The following CDC25B variants were observed in gnomAD, a reference collection of about 807,000 sequenced individuals.
CDC25B encodes cell division cycle 25B, also known as M-phase inducer phosphatase 2.
Under a neutral mutation model 69.8 loss-of-function variants are expected in CDC25B, and 33 were observed. That is an observed-to-expected ratio of 0.47 (90% confidence interval 0.36 to 0.63). CDC25B has a LOEUF of 0.63. CDC25B is among the 30% of genes least tolerant of loss of function. The pLI, the probability that CDC25B is intolerant of heterozygous loss-of-function variation, is 0.00. For missense variants in CDC25B, 727 were observed against 809.1 expected (o/e 0.90, Z 1.23); for synonymous variants, 341 against 314.6 (o/e 1.08, Z -0.89).
In CDC25B at chr20:3,796,792, T is replaced by G. The variant is rs1600387627; in HGVS notation, c.200+61T>G. 2.0e-6 allele frequency: 3 copies of G among 1,503,824 alleles called. No individual in the cohort carries two copies. The South Asian group carries it at 3.7e-5, about 19-fold the overall frequency. The allele number at this position is 1,503,824 out of a possible 1,614,324, so 93.2% of individuals were successfully genotyped here. ...GAGGCTAGGTCTGGAGTCCTGGGCC[T>G]CCTGGAGAACTGGGCATGGTAGTCG... On this transcript the variant is annotated intron_variant, in intron 1 of 15. Transcript: ENST00000245960.
chr20:3,793,114 T>C (rs2088941477), upstream of CDC25B, among the ~76,000 whole-genome samples: 1 of 152,184 alleles, frequency 6.6e-6, no homozygotes, highest in Non-Finnish European at 1.5e-5. Flanking sequence ...ATTACAGTAA[T>C]TTCATGTTTC....
At chr20:3,794,405 T>C (rs1389516744), upstream of CDC25B, among the ~76,000 whole-genome samples, 6 of 145,476 alleles carry the variant, frequency 4.1e-5, no homozygotes, top group Non-Finnish European at 6.0e-5. Context: ...AGGGATTCAA[T>C]AGTATAATGC....
rs2146704867 is a variant in CDC25B, at chr20:3,803,970, C to T, written c.1490+433C>T. ...CGCTATTCCTGTTCTGCCTGGCCAT[C>T]TGTCCTCCCACCCCTGCCTCCTCCT... On this transcript the variant is annotated intron_variant, in intron 14 of 15. Transcript: ENST00000245960. The surrounding 1 kb of genome is among the most constrained non-coding windows in gnomAD (Gnocchi z 4.9). Among the ~76,000 whole-genome samples, 1 of 152,322 alleles carries T rather than the reference C, an allele frequency of 6.6e-6. No individual in the cohort carries two copies. The highest frequency in any genetic ancestry group is 2.1e-4 in the South Asian group (1 of 4,830).
In CDC25B at chr20:3,801,405, C is replaced by A; in HGVS notation, c.840+17C>A. On this transcript the variant is annotated intron_variant, in intron 8 of 15. Transcript: ENST00000245960. ...GACTTAAAGGTAAACAGCCTTGTCC[C>A]ACCAGGCCCCTACCTTCCTATCCCT... The A allele has an allele frequency of 6.3e-7, 1 of 1,588,654 alleles. No individual in the cohort carries two copies. The highest frequency in any genetic ancestry group is 8.6e-7 in the Non-Finnish European group (1 of 1,166,228).
rs2089262407 is a variant in CDC25B at position 3,801,015 on chromosome 20, C to T, written c.627C>T (p.Ser209=). Residue 209 remains serine (S), a synonymous_variant, in exon 7 of 16, where the codon AGC becomes AGT. Coordinates refer to ENST00000245960, the MANE Select transcript of CDC25B (RefSeq NM_021873.4). ...TGCCATGGAAGCCCACACATCCCAG[C>T]TCCACCCATGCTCTGGCAGAGTGGG... ...FKMPWKPTHP[S]STHALAEWAS... 6.2e-7 allele frequency: 1 copy of T among 1,614,038 alleles called. No homozygotes were observed.
intron 1 of CDC25B, among the ~76,000 whole-genome samples, chr20:3,788,621 C>T (rs2088864059): frequency 6.6e-6 from 1 of 152,132 alleles, no homozygotes; most frequent in Non-Finnish European, 1.5e-5. Flanking sequence ...GAGACTTTTC[C>T]AGAGCACTGC....
At chr20:3,793,152 A>G (rs1016127681), upstream of CDC25B, among the ~76,000 whole-genome samples, 5 of 152,184 alleles carry the variant, frequency 3.3e-5, no homozygotes, top group Non-Finnish European at 7.3e-5. Flanking sequence ...TGTGGCTACT[A>G]GAATATTTTA....
rs751070261 is a variant in CDC25B, at chr20:3,801,266, G to C, written c.718G>C (p.Asp240His). 1.1e-5 allele frequency: 18 copies of C among 1,613,984 alleles called. No homozygotes were observed. Among genetic ancestry groups the C allele is most frequent in the Non-Finnish European group, 1.4e-5 (17 of 1,179,998 alleles). The change falls in exon 8 of 16, where the codon GAC becomes CAC. Residue 240 changes from aspartate to histidine, a missense_variant. Around this residue, in one of 2 missense-constraint regions of CDC25B, gnomAD observed 368 missense variants for 345.6 expected, o/e 1.06. Transcript: ENST00000245960. ...GTCATGTGGACAGTGTCTCAGTCCT[G>C]ACCGGAAGATGGAAGTGGAGGAGCT... is the stretch of plus-strand genomic sequence containing the variant. The part of the protein sequence containing the change: ...SAPDLMCLSP[D>H]RKMEVEELSP...
Position 3,802,176 on chromosome 20 carries a change from G to A in CDC25B, c.1098+76G>A, listed in dbSNP as rs1600402564. ...CCCCTTGGCTAAGTTTGTGGCAGAG[G>A]GCAGGTGGCAGCCTGGGCATGGCAG... is the stretch of plus-strand genomic sequence containing the variant. On this transcript the variant is annotated intron_variant, in intron 10 of 15. Transcript: ENST00000245960. 3.9e-6 allele frequency: 6 copies of A among 1,543,644 alleles called. No individual in the cohort carries two copies. In the East Asian group the frequency reaches 1.1e-4, roughly 29 times the overall value.
chr20:3,800,533 A>G, intron 5 of CDC25B, 35 bp downstream of exon 5: 9 of 1,612,316 alleles, frequency 5.6e-6, no homozygotes, highest in Non-Finnish European at 7.6e-6. Context: ...AGGCTTAGGC[A>G]TGCTAGCCAG....
upstream of CDC25B, among the ~76,000 whole-genome samples, chr20:3,793,677 C>A (rs1166739699): frequency 2.7e-5 from 4 of 149,584 alleles, no homozygotes; most frequent in Non-Finnish European, 5.9e-5. Context: ...TATACATGTG[C>A]CATGCTGGTG....
intron 8 of CDC25B, 108 bp downstream of exon 8, chr20:3,801,496 G>T: frequency 7.3e-7 from 1 of 1,372,672 alleles, no homozygotes; most frequent in Non-Finnish European, 9.9e-7. Flanking sequence ...TCCAGTGTCA[G>T]AAGAAGAATC....
At chr20:3,799,004 G>T (rs2089167683) in intron 3 of CDC25B, among the ~76,000 whole-genome samples, 1 of 152,170 alleles carries the variant, frequency 6.6e-6, no homozygotes, top group African/African-American at 2.4e-5. Context: ...AGAGAGAGTT[G>T]GTGGGCTCTG....
Position 3,801,931 on chromosome 20 carries a change from T to A in CDC25B, c.929T>A (p.Val310Asp). Reference sequence around the variant, plus strand: ...ACCTGCTGTCCCTGCCAGGACCTCGTCATGTACAGCAAGTGCCAGCGGCTC... The same window carrying A: ...ACCTGCTGTCCCTGCCAGGACCTCGACATGTACAGCAAGTGCCAGCGGCTC... ...TLEKEEEKDLVMYSKCQRLFR... is the reference protein window; with the variant it reads ...TLEKEEEKDLDMYSKCQRLFR... The change falls in exon 10 of 16, where the codon GTC (valine) becomes GAC (aspartate). Residue 310 changes from valine (V) to aspartate (D), a missense_variant. Physicochemically the swap from Val to Asp is radical, Grantham distance 152. Coordinates refer to ENST00000245960, the MANE Select transcript of CDC25B (RefSeq NM_021873.4). The A allele has an allele frequency of 1.2e-6, 2 of 1,610,882 alleles. No homozygotes were observed. Among genetic ancestry groups the A allele is most frequent in the Non-Finnish European group, 1.7e-6 (2 of 1,178,170 alleles).
intron 1 of CDC25B, among the ~76,000 whole-genome samples, chr20:3,787,302 T>G (rs1323949636): frequency 6.6e-6 from 1 of 152,142 alleles, no homozygotes; most frequent in Non-Finnish European, 1.5e-5. Context: ...GCCATATCGG[T>G]AAGTATCATT....
At position 3,796,567 on chromosome 20, in the gene CDC25B, G is replaced by T; in HGVS notation, c.36G>T (p.Ser12=). The change falls in exon 1 of 16, where the codon TCG becomes TCT. Residue 12 remains serine (S), a synonymous_variant. Transcript: ENST00000245960. ...CCCAGCCGGAGCCCGCGCCAGGCTC[G>T]GCTCTCAGTCCAGCAGGCGTGTGCG... is the stretch of plus-strand genomic sequence containing the variant. The part of the protein sequence containing the change: ...EVPQPEPAPG[S]ALSPAGVCGG... 6.8e-7 allele frequency: 1 copy of T among 1,473,150 alleles called. No individual in the cohort carries two copies. 91.3% of individuals were successfully genotyped at this position (1,473,150 alleles called of 1,614,324 possible). A position where few individuals can be genotyped will look rare whatever the true frequency, so the allele number is the denominator to read the frequency against.
intron 3 of CDC25B, among the ~76,000 whole-genome samples, chr20:3,799,544 G>A (rs1488124090): frequency 6.6e-6 from 1 of 150,910 alleles, no homozygotes; most frequent in Non-Finnish European, 1.5e-5. Flanking sequence ...GCGCGTAGAT[G>A]CACAAAAGCT....
intron 3 of CDC25B, among the ~76,000 whole-genome samples, chr20:3,799,483 G>A (rs1456181642): frequency 1.9e-5 from 2 of 106,980 alleles, no homozygotes; most frequent in East Asian, 6.2e-4. Flanking sequence ...TTTCTCAGAA[G>A]CTGTGTGTGT....
chr20:3,798,335 T>TGA, intron 2 of CDC25B, 77 bp from the exon 3 acceptor site: 2 of 686,982 alleles, frequency 2.9e-6, no homozygotes, highest in Non-Finnish European at 2.2e-6. Context: ...TTTTTTTTTT[T>TGA]TTCATATTGG....
Sources: gnomAD v4.1 joint callset for allele counts (sites outside exome capture counted in the v4.1 genomes callset) on GRCh38, gnomAD v4.1.1 for gene constraint, gnomAD v4.1.1 regional missense constraint, Gnocchi (gnomAD v3.1) non-coding constraint, MANE v1.5 for transcripts, NCBI Gene and HGNC (gene_info 2026-07-23, HGNC 2026-07-21) for gene names.